The following DNAH3 variants were observed in gnomAD, a reference collection of about 807,000 sequenced individuals.
DNAH3 encodes dynein axonemal heavy chain 3.
In DNAH3, 332 loss-of-function variants were observed where a neutral mutation model predicts 432.5. That is an observed-to-expected ratio of 0.77 (90% CI 0.70 to 0.84). The LOEUF (loss-of-function observed/expected upper bound fraction) is 0.84, where lower values mean the gene tolerates loss of function less well. Ranked by LOEUF, DNAH3 falls within the 40% of genes least tolerant of loss-of-function variation. The pLI is 0.00. For synonymous variants in DNAH3, 1,956 were observed against 1,900.2 expected, an observed-to-expected ratio of 1.03 and a Z score of -0.76; for missense variants, 4,861 against 5,114.0, an observed-to-expected ratio of 0.95 and a Z score of 1.51.
chr16:21,023,772 T>G (rs976497404), intron 39 of DNAH3, among the ~76,000 whole-genome samples: 3 of 145,938 alleles, frequency 2.1e-5, no homozygotes, highest in Non-Finnish European at 3.0e-5. Flanking sequence ...ATATGGGGAC[T>G]TGGCAGCTTT....
At chr16:21,029,294 T>C (rs1016868279) in intron 37 of DNAH3, among the ~76,000 whole-genome samples, 5 of 152,242 alleles carry the variant, frequency 3.3e-5, no homozygotes, top group Non-Finnish European at 2.9e-5. Flanking sequence ...TTGTTGAGCA[T>C]GACTCACTCT....
intron 7 of DNAH3, among the ~76,000 whole-genome samples, chr16:21,133,495 C>A (rs1252788736): frequency 1.3e-5 from 2 of 151,942 alleles, no homozygotes; most frequent in Non-Finnish European, 2.9e-5. Context: ...AATCCCAGCA[C>A]TTTGGGAGGC....
exon 62 of DNAH3, chr16:20,933,233 G>A (rs2083471286): frequency 6.2e-7 from 1 of 1,614,138 alleles, no homozygotes; most frequent in Admixed American, 1.7e-5. Flanking sequence ...AAGCTCAATG[G>A]AGAGGACATA....
intron 31 of DNAH3, among the ~76,000 whole-genome samples, chr16:21,046,980 C>T (rs2089729430): frequency 1.3e-5 from 2 of 151,610 alleles, no homozygotes; most frequent in African/African-American, 2.4e-5. Flanking sequence ...AAATTCTTTT[C>T]TTTAAGAATG....
chr16:21,125,137 T>C, intron 9 of DNAH3, 38 bp downstream of exon 10: 9 of 1,522,214 alleles, frequency 5.9e-6, no homozygotes, highest in Non-Finnish European at 8.0e-6. Flanking sequence ...AACCAGGTTA[T>C]TCCCCTCAAA....
At position 21,042,221 on chromosome 16, in the gene DNAH3, G is replaced by A. The variant is rs746112848; in HGVS notation, c.4462-18C>T. ...ACTTCTACCTGGGGTGAGAATGCCCGGCTGATAAGAGCATCTGCTTCTGTC... is the reference window on the plus strand; with the variant it reads ...ACTTCTACCTGGGGTGAGAATGCCCAGCTGATAAGAGCATCTGCTTCTGTC... On this transcript the variant is annotated intron_variant, in intron 31 of 61. Transcript: ENST00000261383. 59 of 1,572,658 alleles carry A rather than the reference G, an allele frequency of 3.8e-5. 1 individual carries two copies. In the Admixed American group the frequency reaches 4.0e-4, roughly 11 times the overall value.
intron 7 of DNAH3, among the ~76,000 whole-genome samples, chr16:21,133,361 CA>C (rs34385925): frequency 2.6e-3 from 180 of 70,176 alleles, no homozygotes; most frequent in South Asian, 0.013. Context: ...AGATTCGTCT[CA>C]AAAAAAAAAA....
chr16:21,127,396 C>CAAA (rs11342012), intron 8 of DNAH3, among the ~76,000 whole-genome samples: 32 of 136,584 alleles, frequency 2.3e-4, no homozygotes, highest in Middle Eastern at 3.9e-3. Context: ...ACTAATAATA[C>CAAA]AAAAAAAAAA....
chr16:21,069,225 A>G (rs2090689188), intron 23 of DNAH3, among the ~76,000 whole-genome samples, 190 bp downstream of exon 23: 1 of 152,216 alleles, frequency 6.6e-6, no homozygotes, highest in South Asian at 2.1e-4. Context: ...GATTATAGGC[A>G]TGAGCCATCG....
chr16:21,134,474 A>G lies in DNAH3; in HGVS notation c.887-20T>C. 2 of 1,608,072 alleles carry G rather than the reference A, an allele frequency of 1.2e-6. No individual in the cohort carries two copies. Among genetic ancestry groups the G allele is most frequent in the Non-Finnish European group, 1.7e-6 (2 of 1,175,764 alleles). On this transcript the variant is annotated intron_variant, in intron 6 of 61. Transcript: ENST00000261383. ...AATCAACTACAACCGGAAAGGGCGAACACCTCATTATTAAGCTCTAAGGGT... is the reference window on the plus strand; with the variant it reads ...AATCAACTACAACCGGAAAGGGCGAGCACCTCATTATTAAGCTCTAAGGGT...
At chr16:21,034,034 T>C (rs1360476736) in exon 36 of DNAH3, 1 of 1,613,872 alleles carries the variant, frequency 6.2e-7, no homozygotes, top group Non-Finnish European at 8.5e-7. Context: ...TTGCCGCCCA[T>C]GGGGTCTCCT....
chr16:21,114,362 T>C (rs1406537660), intron 12 of DNAH3, among the ~76,000 whole-genome samples: 1 of 150,646 alleles, frequency 6.6e-6, no homozygotes, highest in East Asian at 1.9e-4. Context: ...GGCTGGACAG[T>C]TTCCCCAAAA....
intron 56 of DNAH3, 91 bp from the exon 57 acceptor site, chr16:20,948,728 A>C (rs996887973): frequency 2.1e-6 from 3 of 1,405,754 alleles, no homozygotes; most frequent in Admixed American, 3.8e-5. Context: ...CTTCCGGCCA[A>C]AGATCTCTGC....
intron 7 of DNAH3, among the ~76,000 whole-genome samples, chr16:21,132,764 A>G (rs112366395): frequency 0.021 from 3,130 of 152,240 alleles, 119 homozygotes; most frequent in African/African-American, 0.071. Context: ...AGTGACTGCT[A>G]ATGGGTTTCT....
intron 40 of DNAH3, 34 bp downstream of exon 40, chr16:21,021,937 C>T: frequency 1.9e-6 from 3 of 1,611,204 alleles, no homozygotes; most frequent in Non-Finnish European, 2.5e-6. Context: ...AGACCCACCC[C>T]CCATGTGGCT....
At chr16:21,085,398 G>A (rs577870962) in intron 19 of DNAH3, among the ~76,000 whole-genome samples, 1 of 151,708 alleles carries the variant, frequency 6.6e-6, no homozygotes, top group African/African-American at 2.4e-5. Flanking sequence ...ACAAAAATTA[G>A]CAGGGCATGG....
chr16:20,989,834 G>A (rs977382090), intron 44 of DNAH3, among the ~76,000 whole-genome samples: 1 of 152,240 alleles, frequency 6.6e-6, no homozygotes, highest in African/African-American at 2.4e-5. Flanking sequence ...CAGCACCGGT[G>A]GGCTGGCACT....
At chr16:20,997,555 T>TTG in intron 43 of DNAH3, 93 bp from the exon 44 acceptor site, 4 of 1,427,648 alleles carry the variant, frequency 2.8e-6, no homozygotes, top group African/African-American at 1.4e-5. Flanking sequence ...TGTAGGGGAA[T>TTG]CTGTTCCCAG....
At chr16:21,051,009 A>T (rs1480897249) in intron 29 of DNAH3, among the ~76,000 whole-genome samples, 4 of 152,216 alleles carry the variant, frequency 2.6e-5, no homozygotes, top group African/African-American at 9.6e-5. Context: ...ACCTCAAAAA[A>T]TGGTTGTTGA....
Sources: gnomAD v4.1 joint callset for allele counts (sites outside exome capture counted in the v4.1 genomes callset) on GRCh38, gnomAD v4.1.1 for gene constraint, MANE v1.5 for transcripts, NCBI Gene and HGNC (gene_info 2026-07-23, HGNC 2026-07-21) for gene names.